The following ELP1 variants were observed in gnomAD, a reference collection of about 807,000 sequenced individuals.
ELP1 encodes the protein elongator acetyltransferase complex subunit 1, also known as elongator complex protein 1.
A neutral mutation model predicts 183.2 loss-of-function variants in ELP1; 131 were observed. The ratio of observed to expected loss-of-function variants is 0.72; its 90% CI spans 0.62 to 0.83. ELP1 has a LOEUF of 0.83. Among genes scored for constraint, ELP1 ranks in the 40% least tolerant of loss-of-function variants. The pLI is 0.00. For synonymous variants in ELP1, 555 were observed against 569.0 expected (o/e 0.98, Z 0.35); for missense variants, 1,550 against 1,594.9 (o/e 0.97, Z 0.48).
chr9:108,901,501 T>G lies in ELP1; in HGVS notation c.1938A>C (p.Val646=). 1 of 1,614,110 alleles carries G rather than the reference T, an allele frequency of 6.2e-7. No homozygotes were observed. ...TTGTCAACAATAAAAACTCATCATA[T>G]ACTGCAAATGACGTGATATTTGACG... ...EVASNITSFA[V]YDEFLLLTTH... Residue 646 remains valine (V), a synonymous_variant, in exon 18 of 37, where the codon GTA becomes GTC. Transcript: ENST00000374647.
intron 35 of ELP1, 117 bp downstream of exon 35, chr9:108,877,878 T>G (rs1827759752): frequency 1.9e-6 from 2 of 1,050,828 alleles, no homozygotes; most frequent in South Asian, 2.6e-5. Context: ...CTAAGATAAT[T>G]TAACTATGGC....
At chr9:108,919,012 T>C (rs938834521) in intron 7 of ELP1, 111 bp from the exon 8 acceptor site, 2 of 871,584 alleles carry the variant, frequency 2.3e-6, no homozygotes, top group East Asian at 5.2e-5. Flanking sequence ...GCCATGGTTT[T>C]ACATAGCCAA....
At chr9:108,932,644 G>A in intron 1 of ELP1, among the ~76,000 whole-genome samples, 1 of 152,048 alleles carries the variant, frequency 6.6e-6, no homozygotes, top group Non-Finnish European at 1.5e-5. Flanking sequence ...GCCTGGCTGC[G>A]TTTTTCATCT....
intron 20 of ELP1, 52 bp downstream of exon 20, chr9:108,899,770 T>A (rs1285181932): frequency 7.3e-7 from 1 of 1,377,174 alleles, no homozygotes; most frequent in Non-Finnish European, 1.0e-6. Context: ...ACTTATTGTC[T>A]TCACACATAA....
chr9:108,902,874 A>G lies in ELP1; in HGVS notation c.1819T>C (p.Cys607Arg), dbSNP rs1428249476. Residue 607 changes from cysteine (C) to arginine (R), a missense_variant, in exon 16 of 37, where the codon TGC becomes CGC. Coordinates refer to ENST00000374647, the MANE Select transcript of ELP1 (RefSeq NM_003640.5). Reference sequence around the variant, plus strand: ...ATCATGGCCAATTCGGTCTGGGTGCATGGATAAGGAAACCGAACAGGAAAT... The same window carrying G: ...ATCATGGCCAATTCGGTCTGGGTGCGTGGATAAGGAAACCGAACAGGAAAT... ...GGFPVRFPYP[C>R]TQTELAMIGE... 5.6e-6 allele frequency: 9 copies of G among 1,613,856 alleles called. No individual in the cohort carries two copies. The highest frequency in any genetic ancestry group is 3.3e-5 in the Admixed American group (2 of 60,004).
chr9:108,889,124 A>G (rs550659801), intron 29 of ELP1, among the ~76,000 whole-genome samples: 52 of 152,338 alleles, frequency 3.4e-4, no homozygotes, highest in African/African-American at 1.2e-3. Context: ...GTTAAAGTAG[A>G]GCACCTTCAT....
chr9:108,904,589 T>C (rs971453461), intron 14 of ELP1, among the ~76,000 whole-genome samples: 1 of 152,218 alleles, frequency 6.6e-6, no homozygotes, highest in African/African-American at 2.4e-5. Context: ...GGATAAATTA[T>C]CTGTCAAGAA....
Position 108,903,573 on chromosome 9 carries a change from C to G in ELP1, c.1740G>C (p.Lys580Asn), listed in dbSNP as rs1828897333. 1.2e-6 allele frequency: 2 copies of G among 1,610,518 alleles called. No individual in the cohort carries two copies. Among genetic ancestry groups the G allele is most frequent in the Non-Finnish European group, 1.7e-6 (2 of 1,176,884 alleles). The change falls in exon 15 of 37, where the codon AAG (lysine) becomes AAC (asparagine). Residue 580 changes from lysine (K) to asparagine (N), a missense_variant. Lys to Asn is a moderately conservative substitution (Grantham distance 94). Coordinates refer to ENST00000374647, the MANE Select transcript of ELP1 (RefSeq NM_003640.5). ...VLQLADGQIF[K>N]YLWESPSLAI... ...CACCTTGATACTCACCCCAAAGGTA[C>G]TTAAATATCTGGCCATCAGCCAGCT...
intron 13 of ELP1, among the ~76,000 whole-genome samples, chr9:108,908,022 T>G (rs1829081404): frequency 6.6e-6 from 1 of 152,186 alleles, no homozygotes; most frequent in Non-Finnish European, 1.5e-5. Context: ...CATTGTCATC[T>G]CCATCTTTCC....
chr9:108,880,982 C>T (rs1021552300), intron 31 of ELP1, among the ~76,000 whole-genome samples: 15 of 152,184 alleles, frequency 9.9e-5, no homozygotes, highest in Admixed American at 4.6e-4. Context: ...TTAAAATCAA[C>T]CACTCCCTAA....
Position 108,875,770 on chromosome 9 carries a change from G to A in ELP1, c.3856-800C>T, listed in dbSNP as rs1304968193. 7.5e-6 allele frequency: 3 copies of A among 399,250 alleles called. No individual in the cohort carries two copies. In the East Asian group the frequency reaches 2.4e-4, roughly 31 times the overall value. 24.7% of individuals were successfully genotyped at this position (399,250 alleles called of 1,614,324 possible). A position where few individuals can be genotyped will look rare whatever the true frequency, so the allele number is the denominator to read the frequency against. On this transcript the variant is annotated intron_variant, in intron 35 of 36. Coordinates refer to ENST00000374647, the MANE Select transcript of ELP1 (RefSeq NM_003640.5). ...AATTTTAAAATTAGCTGGGCATGGT[G>A]GTGTGCACCTGTGGTCCCAATTACT...
intron 9 of ELP1, among the ~76,000 whole-genome samples, chr9:108,917,270 C>T (rs1262609819): frequency 1.3e-5 from 2 of 152,076 alleles, no homozygotes; most frequent in East Asian, 3.9e-4. Context: ...GGGTTTGAGA[C>T]CAGCCTGACC....
Position 108,892,987 on chromosome 9 carries a change from T to A in ELP1, c.2957A>T (p.Gln986Leu). The A allele has an allele frequency of 6.2e-7, 1 of 1,609,426 alleles. No homozygotes were observed. The highest frequency in any genetic ancestry group is 8.5e-7 in the Non-Finnish European group (1 of 1,175,692). ...KLYSPSSQQY[Q>L]DISIAYGEHL... ...GCCTCATTTTCACATACCACATACCTGGTACTGTTGTGAGCTTGGTGAATA... is the reference window on the plus strand; with the variant it reads ...GCCTCATTTTCACATACCACATACCAGGTACTGTTGTGAGCTTGGTGAATA... The change falls in exon 27 of 37, where the codon CAG becomes CTG. Residue 986 changes from glutamine to leucine, a missense_variant and splice_region_variant. Gln to Leu is a moderately radical substitution (Grantham distance 113). Transcript: ENST00000374647.
intron 36 of ELP1, among the ~76,000 whole-genome samples, chr9:108,872,803 T>TCAAAAAA (rs1564207087): frequency 1.6e-5 from 1 of 62,810 alleles, no homozygotes; most frequent in African/African-American, 7.8e-5. Context: ...AGACTCTGTC[T>TCAAAAAA]GAAAAAAAAA....
chr9:108,922,910 C>T lies in ELP1; in HGVS notation c.484G>A (p.Gly162Arg). 6.2e-7 allele frequency: 1 copy of T among 1,613,740 alleles called. No homozygotes were observed. The highest frequency in any genetic ancestry group is 8.5e-7 in the Non-Finnish European group (1 of 1,179,646). Residue 162 changes from glycine (G) to arginine (R), a missense_variant, in exon 6 of 37, where the codon GGA becomes AGA. Coordinates refer to ENST00000374647, the MANE Select transcript of ELP1 (RefSeq NM_003640.5). ...DFGESKFITV[G>R]WGRKETQFHG... ...AACTGTGTCTCCTTCCTACCCCATC[C>T]AACAGTGATAAACTTGCCTACAGAA...
chr9:108,927,455 T>C lies in ELP1; in HGVS notation c.304-2A>G, dbSNP rs757972943. 10 of 1,612,050 alleles carry C rather than the reference T, an allele frequency of 6.2e-6. No individual in the cohort carries two copies. The South Asian group carries it at 1.1e-4, about 18-fold the overall frequency. The stretch of plus-strand genomic sequence containing the variant: ...GGCTACACTCCCAACACACTCCAGC[T>C]GAGACAGAGAAAATTGAAAAGAGAG... On this transcript the variant is annotated splice_acceptor_variant, in intron 3 of 36. Coordinates refer to ENST00000374647, the MANE Select transcript of ELP1 (RefSeq NM_003640.5). LOFTEE classifies it high-confidence loss of function.
chr9:108,904,851 A>G (rs1281241050), intron 14 of ELP1, among the ~76,000 whole-genome samples: 2 of 152,242 alleles, frequency 1.3e-5, no homozygotes, highest in Non-Finnish European at 2.9e-5. Flanking sequence ...GTAGTCCTCA[A>G]AAGCATTAAT....
intron 2 of ELP1, among the ~76,000 whole-genome samples, chr9:108,930,550 C>T (rs956232045): frequency 2.0e-5 from 3 of 152,016 alleles, no homozygotes; most frequent in Non-Finnish European, 2.9e-5. Flanking sequence ...ATTAGCCGGG[C>T]GCGGTGGCGG....
intron 28 of ELP1, 69 bp downstream of exon 28, chr9:108,891,134 A>G: frequency 1.3e-6 from 2 of 1,498,362 alleles, no homozygotes; most frequent in Non-Finnish European, 9.3e-7. Context: ...TATTTGCAAA[A>G]TTACCAAACA....
Sources: allele counts gnomAD v4.1 joint callset (sites outside exome capture counted in the v4.1 genomes callset), GRCh38; gene constraint gnomAD v4.1.1; transcripts MANE v1.5; gene names NCBI Gene and HGNC (gene_info 2026-07-23, HGNC 2026-07-21).